MECOM: variants seen among roughly 807,000 people sequenced by gnomAD.
MECOM encodes the protein MDS1 and EVI1 complex locus.
In MECOM, 13 loss-of-function variants were observed where a neutral mutation model predicts 116.3. The ratio of observed to expected loss-of-function variants is 0.11; its 90% CI spans 0.07 to 0.18. MECOM has a LOEUF of 0.18. Ranked by LOEUF, MECOM falls within the 10% of genes least tolerant of loss-of-function variation. The pLI, the probability that MECOM is intolerant of heterozygous loss-of-function variation, is 1.00. For missense variants in MECOM, 1,299 were observed against 1,509.0 expected, an observed-to-expected ratio of 0.86 and a Z score of 2.31; for synonymous variants, 528 against 535.2, an observed-to-expected ratio of 0.99 and a Z score of 0.19.
At chr3:169,474,079 C>G (rs552172314) in intron 1 of MECOM, among the ~76,000 whole-genome samples, 9 of 152,140 alleles carry the variant, frequency 5.9e-5, no homozygotes, top group African/African-American at 2.2e-4. Context: ...ACAATTTAGT[C>G]AGTCACCACG....
At chr3:169,556,011 T>TA (rs1761985757) in intron 1 of MECOM, among the ~76,000 whole-genome samples, 1 of 152,214 alleles carries the variant, frequency 6.6e-6, no homozygotes, top group African/African-American at 2.4e-5. Flanking sequence ...TAGATTTACT[T>TA]ACAGCAAGCA....
intron 12 of MECOM, among the ~76,000 whole-genome samples, chr3:169,095,879 T>C (rs1297189459): frequency 1.3e-5 from 2 of 152,206 alleles, no homozygotes; most frequent in Non-Finnish European, 2.9e-5. Flanking sequence ...GTTCTCTTTT[T>C]GGAATGAAAG....
chr3:169,108,785 T>C (rs868508698), intron 9 of MECOM, among the ~76,000 whole-genome samples: 4 of 152,182 alleles, frequency 2.6e-5, no homozygotes, highest in Admixed American at 6.5e-5. Context: ...ATTTTTCACA[T>C]CAATGTGTAA....
chr3:169,550,820 C>CT (rs35343157), intron 1 of MECOM, among the ~76,000 whole-genome samples: 2,766 of 91,660 alleles, frequency 0.03, 184 homozygotes, highest in South Asian at 0.11. Context: ...GTTCCCTTTC[C>CT]TTTTTTTTTT....
intron 2 of MECOM, among the ~76,000 whole-genome samples, chr3:169,300,987 A>C (rs1396953613): frequency 6.6e-6 from 1 of 152,244 alleles, no homozygotes; most frequent in Non-Finnish European, 1.5e-5. Flanking sequence ...TCGTGCTGTC[A>C]CTAGTTACTG....
At chr3:169,317,498 C>T (rs1333083781) in intron 2 of MECOM, among the ~76,000 whole-genome samples, 1 of 152,342 alleles carries the variant, frequency 6.6e-6, no homozygotes, top group South Asian at 2.1e-4. Flanking sequence ...CTCAACAGCT[C>T]AGAGATGTAA....
chr3:169,412,343 G>GTT (rs201106910), intron 1 of MECOM, among the ~76,000 whole-genome samples: 2 of 150,550 alleles, frequency 1.3e-5, no homozygotes, highest in African/African-American at 4.9e-5. Flanking sequence ...TTAATTAAAA[G>GTT]TTTTTTTTAA....
At chr3:169,142,243 G>A (rs764907009) in intron 3 of MECOM, among the ~76,000 whole-genome samples, 5 of 151,848 alleles carry the variant, frequency 3.3e-5, no homozygotes, top group Admixed American at 6.6e-5. Flanking sequence ...ATCTTTTCAC[G>A]GATTCTACAA....
At chr3:169,408,557 C>G (rs1737066833) in intron 1 of MECOM, among the ~76,000 whole-genome samples, 1 of 152,192 alleles carries the variant, frequency 6.6e-6, no homozygotes, top group Non-Finnish European at 1.5e-5. Context: ...ATTCCCAAAA[C>G]ACGGTCTTGA....
chr3:169,238,845 T>C (rs1393925547), intron 2 of MECOM, among the ~76,000 whole-genome samples: 3 of 152,140 alleles, frequency 2.0e-5, no homozygotes, highest in Non-Finnish European at 2.9e-5. Flanking sequence ...ATCCACTATT[T>C]AGTCAGTTAA....
intron 13 of MECOM, 125 bp from the exon 14 acceptor site, chr3:169,093,227 T>C (rs928387471): frequency 1.5e-5 from 15 of 973,896 alleles, no homozygotes; most frequent in Admixed American, 3.0e-5. Flanking sequence ...ATATTAATAA[T>C]AATAACTTTA....
chr3:169,114,744 C>T (rs1173885229), intron 8 of MECOM, among the ~76,000 whole-genome samples: 1 of 152,064 alleles, frequency 6.6e-6, no homozygotes, highest in South Asian at 2.1e-4. Context: ...GCCAAAAAGG[C>T]CTTTTATTAA....
intron 1 of MECOM, among the ~76,000 whole-genome samples, chr3:169,444,568 C>A (rs1158944661): frequency 2.0e-5 from 3 of 152,160 alleles, no homozygotes; most frequent in Non-Finnish European, 2.9e-5. Flanking sequence ...TCTCCCCAGT[C>A]ATGTGGAACT....
At chr3:169,339,371 C>A (rs1261940055) in intron 2 of MECOM, among the ~76,000 whole-genome samples, 1 of 152,224 alleles carries the variant, frequency 6.6e-6, no homozygotes, top group Non-Finnish European at 1.5e-5. Flanking sequence ...GTTTAAACAA[C>A]CACTCCAAAT....
intron 1 of MECOM, among the ~76,000 whole-genome samples, chr3:169,398,691 T>A (rs62294304): frequency 0.038 from 5,762 of 152,284 alleles, 149 homozygotes; most frequent in Non-Finnish European, 0.059. Context: ...GAGGGCCTCC[T>A]ACTGTTCTGA....
chr3:169,412,985 TG>T, intron 1 of MECOM, among the ~76,000 whole-genome samples: 1 of 152,262 alleles, frequency 6.6e-6, no homozygotes, highest in East Asian at 1.9e-4. Flanking sequence ...TAACAACCCC[TG>T]CACTTTATTC....
At chr3:169,314,781 G>T (rs1719444130) in intron 2 of MECOM, among the ~76,000 whole-genome samples, 1 of 152,106 alleles carries the variant, frequency 6.6e-6, no homozygotes. Flanking sequence ...ATATAGGAAA[G>T]GGATATTAAT....
At chr3:169,619,926 G>A (rs1304951467) in intron 1 of MECOM, among the ~76,000 whole-genome samples, 2 of 152,194 alleles carry the variant, frequency 1.3e-5, no homozygotes, top group Non-Finnish European at 2.9e-5. Context: ...GTCCCCCTGC[G>A]GAACCAGCCC....
intron 1 of MECOM, among the ~76,000 whole-genome samples, chr3:169,443,084 T>C (rs1275092844): frequency 6.6e-6 from 1 of 152,198 alleles, no homozygotes; most frequent in African/African-American, 2.4e-5. Context: ...AAGATTATGT[T>C]TTCTACTCAT....
Sources: allele counts gnomAD v4.1 joint callset (sites outside exome capture counted in the v4.1 genomes callset), GRCh38; gene constraint gnomAD v4.1.1; transcripts MANE v1.5; gene names NCBI Gene and HGNC (gene_info 2026-07-23, HGNC 2026-07-21).